Variants in CCBE1 observed in about 807,000 individuals in gnomAD.
The protein encoded by CCBE1 is collagen and calcium binding EGF domains 1.
CCBE1 carries 37 observed loss-of-function variants against 50.0 expected under a neutral mutation model. The ratio of observed to expected loss-of-function variants is 0.74; its 90% CI spans 0.57 to 0.97. The LOEUF (loss-of-function observed/expected upper bound fraction) is 0.97. CCBE1 is among the 50% of genes least tolerant of loss of function. The pLI is 0.00. For missense variants in CCBE1, 538 were observed against 523.8 expected, an observed-to-expected ratio of 1.03 and a Z score of -0.26; for synonymous variants, 234 against 203.7, an observed-to-expected ratio of 1.15 and a Z score of -1.27.
intron 2 of CCBE1, among the ~76,000 whole-genome samples, chr18:59,648,727 C>T (rs1303544508): frequency 3.9e-5 from 6 of 152,146 alleles, no homozygotes; most frequent in Admixed American, 3.3e-4. Context: ...ACACAGGTAT[C>T]AGCAGCTGGA....
rs746803071 is a variant in CCBE1, at chr18:59,454,920, G to A, written c.585C>T (p.Ala195=). 29 of 1,614,040 alleles carry A rather than the reference G, an allele frequency of 1.8e-5. No homozygotes were observed. Among genetic ancestry groups the A allele is most frequent in the South Asian group, 1.3e-4 (12 of 91,082 alleles). ...CCTTGCATGTGGCACAGCAAGTTCCGGCTTTCACCATGTTCTCAGACTTCT... is the reference window on the plus strand; with the variant it reads ...CCTTGCATGTGGCACAGCAAGTTCCAGCTTTCACCATGTTCTCAGACTTCT... ...GHEKSENMVK[A]GTCCATCKEF... The change falls in exon 6 of 11, where the codon GCC becomes GCT. Residue 195 remains alanine (A), a synonymous_variant. Coordinates refer to ENST00000439986, the MANE Select transcript of CCBE1 (RefSeq NM_133459.4).
At chr18:59,542,575 A>G (rs1039748449) in intron 2 of CCBE1, among the ~76,000 whole-genome samples, 4 of 152,242 alleles carry the variant, frequency 2.6e-5, no homozygotes, top group Non-Finnish European at 5.9e-5. Context: ...TTAATGTTCT[A>G]TTGCACCATA....
At chr18:59,466,716 A>C in intron 5 of CCBE1, 23 bp downstream of exon 5, 4 of 1,590,834 alleles carry the variant, frequency 2.5e-6, no homozygotes, top group Non-Finnish European at 3.4e-6. Flanking sequence ...AATTAGGGAG[A>C]TATTTAGACT....
intron 2 of CCBE1, among the ~76,000 whole-genome samples, chr18:59,554,757 G>A (rs1393891353): frequency 6.6e-6 from 1 of 152,164 alleles, no homozygotes; most frequent in Admixed American, 6.5e-5. Context: ...GGTTGAGAAA[G>A]GGTCCCATAG....
chr18:59,639,116 T>C (rs1013589038), intron 2 of CCBE1, among the ~76,000 whole-genome samples: 2 of 151,966 alleles, frequency 1.3e-5, no homozygotes, highest in Admixed American at 6.6e-5. Context: ...TCTAAAAAAA[T>C]TGAAAAATAA....
intron 2 of CCBE1, among the ~76,000 whole-genome samples, chr18:59,645,420 A>AG (rs1256336924): frequency 1.3e-5 from 2 of 152,322 alleles, no homozygotes; most frequent in South Asian, 2.1e-4. Flanking sequence ...CTTCTCAGTG[A>AG]GAAAAAAAAG....
intron 2 of CCBE1, among the ~76,000 whole-genome samples, chr18:59,655,565 A>G (rs1386719025): frequency 1.3e-5 from 2 of 152,378 alleles, no homozygotes; most frequent in East Asian, 3.9e-4. Context: ...GTTTCCCCTC[A>G]GCTCTGCTCC....
At chr18:59,525,763 T>C (rs1327285984) in intron 2 of CCBE1, among the ~76,000 whole-genome samples, 2 of 152,206 alleles carry the variant, frequency 1.3e-5, no homozygotes, top group Non-Finnish European at 2.9e-5. Context: ...TGAGTTAATT[T>C]TTGTTTAAGG....
At chr18:59,619,544 A>G (rs2053684693) in intron 2 of CCBE1, among the ~76,000 whole-genome samples, 1 of 152,220 alleles carries the variant, frequency 6.6e-6, no homozygotes, top group Non-Finnish European at 1.5e-5. Flanking sequence ...CTGGTTTGTA[A>G]TATGTGTATT....
At chr18:59,596,070 C>T (rs544336357) in intron 2 of CCBE1, among the ~76,000 whole-genome samples, 1 of 152,308 alleles carries the variant, frequency 6.6e-6, no homozygotes, top group East Asian at 1.9e-4. Context: ...CCCACATGAA[C>T]AATTTTGTTT....
chr18:59,654,386 G>A (rs747725861), intron 2 of CCBE1, among the ~76,000 whole-genome samples: 1 of 152,214 alleles, frequency 6.6e-6, no homozygotes, highest in Non-Finnish European at 1.5e-5. Context: ...AGCACTTTGG[G>A]AGACCAAGGT....
In CCBE1 at chr18:59,639,456, T is replaced by TA. The variant is rs545676098; in HGVS notation, c.212+57172dup. The stretch of plus-strand genomic sequence containing the variant: ...CATAAAACTCAATGCCCCTTCATGT[T>TA]AAAAAATCAACAAATTAGGCATTGA... On this transcript the variant is annotated intron_variant, in intron 2 of 10. Coordinates refer to ENST00000439986, the MANE Select transcript of CCBE1 (RefSeq NM_133459.4). Among the ~76,000 whole-genome samples the TA allele has an allele frequency of 2.0e-4, 30 of 152,246 alleles. No homozygotes were observed. The South Asian group carries it at 3.3e-3, about 17-fold the overall frequency.
intron 2 of CCBE1, among the ~76,000 whole-genome samples, chr18:59,689,534 A>G (rs1228788309): frequency 6.6e-6 from 1 of 152,232 alleles, no homozygotes; most frequent in Non-Finnish European, 1.5e-5. Context: ...CTACCACCCC[A>G]TTCTCTACAG....
At chr18:59,662,052 A>G (rs1204451477) in intron 2 of CCBE1, among the ~76,000 whole-genome samples, 4 of 152,200 alleles carry the variant, frequency 2.6e-5, no homozygotes, top group Non-Finnish European at 2.9e-5. Flanking sequence ...TATCTGGCAT[A>G]TGCACTTTCT....
intron 2 of CCBE1, among the ~76,000 whole-genome samples, chr18:59,507,730 T>C (rs1430431441): frequency 6.6e-6 from 1 of 152,196 alleles, no homozygotes; most frequent in East Asian, 1.9e-4. Context: ...AAAGCATTTG[T>C]TAAAAATCTC....
At chr18:59,666,204 G>C (rs2054353858) in intron 2 of CCBE1, 1 of 152,196 alleles carries the variant, frequency 6.6e-6, no homozygotes. Flanking sequence ...AAAACCATCA[G>C]ATCTCGTGAG....
At chr18:59,482,013 C>T (rs376758112) in intron 2 of CCBE1, among the ~76,000 whole-genome samples, 18 of 152,280 alleles carry the variant, frequency 1.2e-4, no homozygotes, top group South Asian at 8.3e-4. Flanking sequence ...GCCCTGCATG[C>T]GTTAGGTATT....
At chr18:59,612,823 T>TTG (rs1007450587) in intron 2 of CCBE1, among the ~76,000 whole-genome samples, 42 of 109,992 alleles carry the variant, frequency 3.8e-4, no homozygotes, top group African/African-American at 1.3e-3. Context: ...GGGTTTTTTT[T>TTG]TTGTTTTTTT....
intron 2 of CCBE1, among the ~76,000 whole-genome samples, chr18:59,527,677 TGTG>T (rs779450007): frequency 1.2e-3 from 176 of 152,312 alleles, no homozygotes; most frequent in Non-Finnish European, 2.0e-3. Flanking sequence ...AGACAGGCCT[TGTG>T]GTGACAAATT....
Sources: allele counts gnomAD v4.1 joint callset (sites outside exome capture counted in the v4.1 genomes callset), GRCh38; gene constraint gnomAD v4.1.1; transcripts MANE v1.5; gene names NCBI Gene and HGNC (gene_info 2026-07-23, HGNC 2026-07-21).